The following SNX33 variants were observed in gnomAD, a reference collection of about 807,000 sequenced individuals.
SNX33 encodes the protein sorting nexin 33, also known as sorting nexin-33.
SNX33 carries 19 observed loss-of-function variants against 38.8 expected under a neutral mutation model. That is an observed-to-expected ratio of 0.49 (90% CI 0.34 to 0.72). The LOEUF is 0.72. Among genes scored for constraint, SNX33 ranks in the 30% least tolerant of loss-of-function variants. The pLI is 0.01. For synonymous variants in SNX33, 246 were observed against 289.7 expected (o/e 0.85, Z 1.53); for missense variants, 641 against 776.4 (o/e 0.83, Z 2.07).
In SNX33 at chr15:75,647,941, T is replaced by A. The variant is rs558318322; in HGVS notation, c.-1162T>A. 327 of 985,324 alleles carry A rather than the reference T, an allele frequency of 3.3e-4. No homozygotes were observed. In the Middle Eastern group the frequency reaches 7.3e-3, roughly 22 times the overall value. 61.0% of individuals were successfully genotyped at this position (985,324 alleles called of 1,614,324 possible). Reference sequence around the variant, plus strand: ...TTTTGTTTTGGAGCTGCCTTCTCGCTGGCGGAGCGGAGGGTCTGCGAGCGC... The same window carrying A: ...TTTTGTTTTGGAGCTGCCTTCTCGCAGGCGGAGCGGAGGGTCTGCGAGCGC... On this transcript the variant is annotated 5_prime_UTR_variant, in exon 1 of 2. Transcript: ENST00000308527.
In SNX33 at chr15:75,659,267, G is replaced by A. The variant is rs1044663231; in HGVS notation, c.*2052G>A. The A allele has an allele frequency of 6.6e-6, 1 of 152,518 alleles. No individual in the cohort carries two copies. The highest frequency in any genetic ancestry group is 2.4e-5 in the African/African-American group (1 of 41,440). 9.4% of individuals were successfully genotyped at this position (152,518 alleles called of 1,614,324 possible). A position where few individuals can be genotyped will look rare whatever the true frequency, so the allele number is the denominator to read the frequency against. On this transcript the variant is annotated 3_prime_UTR_variant, in exon 2 of 2. Coordinates refer to ENST00000308527, the MANE Select transcript of SNX33 (RefSeq NM_153271.2). ...CCTTTGGAGGCAATGGGGACTTGGT[G>A]GAGGGAGGGCTTCCAGGGTCAAGGC...
rs944958747 is a variant in SNX33, at chr15:75,650,775, C to G, written c.1471+202C>G. Among the ~76,000 whole-genome samples, 3 of 152,186 alleles carry G rather than the reference C, an allele frequency of 2.0e-5. No homozygotes were observed. The highest frequency in any genetic ancestry group is 4.4e-5 in the Non-Finnish European group (3 of 68,046). On this transcript the variant is annotated intron_variant, in intron 1 of 1. Transcript: ENST00000308527. This position sits in a 1 kb window ranked among gnomAD's most constrained non-coding sequence, Gnocchi z 6.1. ...TTGGGAGGTTGAAGTAGGAGGATCA[C>G]TTGGGCCCAGGAGGTTGAGACTACA...
At position 75,650,719 on chromosome 15, in the gene SNX33, C is replaced by A; in HGVS notation, c.1471+146C>A. The A allele has an allele frequency of 8.5e-7, 1 of 1,170,082 alleles. No individual in the cohort carries two copies. The highest frequency in any genetic ancestry group is 1.2e-6 in the Non-Finnish European group (1 of 869,030). The allele number at this position is 1,170,082 out of a possible 1,614,324, so 72.5% of individuals were successfully genotyped here. A position where few individuals can be genotyped will look rare whatever the true frequency, so the allele number is the denominator to read the frequency against. Reference sequence around the variant, plus strand: ...CATTTAACAAATGTGTTGGGCTGGGCACGGTGGCTTACGCTTGTAATCTCA... The same window carrying A: ...CATTTAACAAATGTGTTGGGCTGGGAACGGTGGCTTACGCTTGTAATCTCA... On this transcript the variant is annotated intron_variant, in intron 1 of 1. Coordinates refer to ENST00000308527, the MANE Select transcript of SNX33 (RefSeq NM_153271.2). This position sits in a 1 kb window ranked among gnomAD's most constrained non-coding sequence, Gnocchi z 6.1.
chr15:75,649,419 A>G lies in SNX33; in HGVS notation c.317A>G (p.Gln106Arg). The change falls in exon 1 of 2, where the codon CAG (glutamine) becomes CGG (arginine). Residue 106 changes from glutamine (Q) to arginine (R), a missense_variant. Gln to Arg is a conservative substitution (Grantham distance 43). Around this residue, in one of 2 missense-constraint regions of SNX33, gnomAD observed 243 missense variants for 233.9 expected, o/e 1.04. Coordinates refer to ENST00000308527, the MANE Select transcript of SNX33 (RefSeq NM_153271.2). This position sits in a 1 kb window ranked among gnomAD's most constrained non-coding sequence, Gnocchi z 6.6. ...GGGGGCAGTGGCTTCCTCTCAAACC[A>G]GGGTAGCTTTGAGGAGGATGATGAT... ...SGGGSGFLSN[Q>R]GSFEEDDDDD... 1 of 1,538,084 alleles carries G rather than the reference A, an allele frequency of 6.5e-7. No individual in the cohort carries two copies. The highest frequency in any genetic ancestry group is 8.8e-7 in the Non-Finnish European group (1 of 1,140,040).
rs1362076594 is a variant in SNX33 at position 75,649,537 on chromosome 15, C to T, written c.435C>T (p.Leu145=). The T allele has an allele frequency of 1.2e-6, 2 of 1,610,444 alleles. No homozygotes were observed. Among genetic ancestry groups the T allele is most frequent in the Non-Finnish European group, 1.7e-6 (2 of 1,177,890 alleles). The change falls in exon 1 of 2, where the codon CTC becomes CTT. Residue 145 remains leucine (L), a synonymous_variant. Transcript: ENST00000308527. The surrounding 1 kb of genome is among the most constrained non-coding windows in gnomAD (Gnocchi z 6.6). ...CCAACGGGCACCCTCCCCTCAACCTCTCCTACCCTGGTGCCTACCCCAGCC... is the reference window on the plus strand; with the variant it reads ...CCAACGGGCACCCTCCCCTCAACCTTTCCTACCCTGGTGCCTACCCCAGCC... ...LGTNGHPPLN[L]SYPGAYPSQH...
At position 75,649,136 on chromosome 15, in the gene SNX33, C is replaced by T. The variant is rs751986272; in HGVS notation, c.34C>T (p.His12Tyr). The T allele has an allele frequency of 5.6e-6, 9 of 1,609,788 alleles. No homozygotes were observed. Among genetic ancestry groups the T allele is most frequent in the Non-Finnish European group, 7.6e-6 (9 of 1,177,300 alleles). Reference protein sequence around the residue: ...ALKGRALYDFHSENKEEISIQ... With the variant: ...ALKGRALYDFYSENKEEISIQ... ...GAAAGGCCGAGCCCTCTATGACTTTCACAGTGAGAACAAGGAGGAAATCAG... is the reference window on the plus strand; with the variant it reads ...GAAAGGCCGAGCCCTCTATGACTTTTACAGTGAGAACAAGGAGGAAATCAG... The change falls in exon 1 of 2, where the codon CAC becomes TAC. Residue 12 changes from histidine to tyrosine, a missense_variant. Transcript: ENST00000308527. This position sits in a 1 kb window ranked among gnomAD's most constrained non-coding sequence, Gnocchi z 6.6.
intron 1 of SNX33, among the ~76,000 whole-genome samples, chr15:75,656,385 C>T (rs1217255542): frequency 6.6e-6 from 1 of 152,164 alleles, no homozygotes; most frequent in Non-Finnish European, 1.5e-5. Flanking sequence ...GGAATGCGTG[C>T]AGGGGCCAAC....
At chr15:75,652,848 G>A (rs185108012) in intron 1 of SNX33, among the ~76,000 whole-genome samples, 1 of 152,314 alleles carries the variant, frequency 6.6e-6, no homozygotes, top group East Asian at 1.9e-4. Flanking sequence ...AGCCCAATGG[G>A]AGTGATAAGG....
chr15:75,649,855 C>T lies in SNX33; in HGVS notation c.753C>T (p.Ser251=), dbSNP rs539648345. ...TKFKGIKSYI[S]YKLTPTHAAS... Reference sequence around the variant, plus strand: ...TCAAGGGCATCAAAAGCTACATCTCCTACAAGCTCACACCCACCCATGCTG... The same window carrying T: ...TCAAGGGCATCAAAAGCTACATCTCTTACAAGCTCACACCCACCCATGCTG... Residue 251 remains serine (S), a synonymous_variant, in exon 1 of 2, where the codon TCC becomes TCT. Coordinates refer to ENST00000308527, the MANE Select transcript of SNX33 (RefSeq NM_153271.2). This position sits in a 1 kb window ranked among gnomAD's most constrained non-coding sequence, Gnocchi z 6.6. The T allele has an allele frequency of 6.5e-7, 1 of 1,530,418 alleles. No homozygotes were observed. The highest frequency in any genetic ancestry group is 1.4e-5 in the African/African-American group (1 of 72,224). The allele number at this position is 1,530,418 out of a possible 1,614,324, so 94.8% of individuals were successfully genotyped here.
At position 75,648,418 on chromosome 15, in the gene SNX33, G is replaced by C; in HGVS notation, c.-685G>C. On this transcript the variant is annotated 5_prime_UTR_variant, in exon 1 of 2. Transcript: ENST00000308527. The surrounding 1 kb of genome is among the most constrained non-coding windows in gnomAD (Gnocchi z 4.4). ...GAAGAGTTGGCGGCCTGTTGTGTAAGCCTCAGTCCTTGTTTTCCCGGCCTG... is the reference window on the plus strand; with the variant it reads ...GAAGAGTTGGCGGCCTGTTGTGTAACCCTCAGTCCTTGTTTTCCCGGCCTG... 2.0e-6 allele frequency: 2 copies of C among 985,424 alleles called. No homozygotes were observed. The highest frequency in any genetic ancestry group is 1.2e-6 in the Non-Finnish European group (1 of 829,946). 61.0% of individuals were successfully genotyped at this position (985,424 alleles called of 1,614,324 possible). A position where few individuals can be genotyped will look rare whatever the true frequency, so the allele number is the denominator to read the frequency against.
rs1475545470 is a variant in SNX33 at position 75,650,550 on chromosome 15, C to G, written c.1448C>G (p.Pro483Arg). Residue 483 changes from proline to arginine, a missense_variant, in exon 1 of 2, where the codon CCT (proline) becomes CGT (arginine). Pro to Arg is a moderately radical substitution (Grantham distance 103). Coordinates refer to ENST00000308527, the MANE Select transcript of SNX33 (RefSeq NM_153271.2). The surrounding 1 kb of genome is among the most constrained non-coding windows in gnomAD (Gnocchi z 6.1). Reference protein sequence around the residue: ...SLYQGLLSNFPDIIHLQKGAF... With the variant: ...SLYQGLLSNFRDIIHLQKGAF... ...TACCAGGGCCTGCTCTCCAACTTCC[C>G]TGACATCATCCATCTACAAAAAGGT... The G allele has an allele frequency of 1.2e-6, 2 of 1,601,324 alleles. No individual in the cohort carries two copies. Among genetic ancestry groups the G allele is most frequent in the South Asian group, 1.1e-5 (1 of 88,970 alleles).
At chr15:75,651,462 G>A (rs1893579390) in intron 1 of SNX33, among the ~76,000 whole-genome samples, 1 of 151,648 alleles carries the variant, frequency 6.6e-6, no homozygotes, top group Admixed American at 6.6e-5. Context: ...GGACAGGATG[G>A]GCCTCTGCCT....
In SNX33 at chr15:75,650,601, G is replaced by A. The variant is rs952428291; in HGVS notation, c.1471+28G>A. On this transcript the variant is annotated intron_variant, in intron 1 of 1. Coordinates refer to ENST00000308527, the MANE Select transcript of SNX33 (RefSeq NM_153271.2). This position sits in a 1 kb window ranked among gnomAD's most constrained non-coding sequence, Gnocchi z 6.1. ...AAGGCCCAGTGCAGGCAGGAAACTC[G>A]TCCTGAGTCTGGCTCTCTGCTGGGC... 1.1e-5 allele frequency: 17 copies of A among 1,554,598 alleles called. No homozygotes were observed. Among genetic ancestry groups the A allele is most frequent in the South Asian group, 2.5e-5 (2 of 80,664 alleles).
intron 1 of SNX33, among the ~76,000 whole-genome samples, chr15:75,654,097 T>TAAAAA (rs77714603): frequency 2.1e-4 from 23 of 110,946 alleles, no homozygotes; most frequent in East Asian, 5.2e-4. Context: ...CATCTCAAAT[T>TAAAAA]AAAAAAAAAA....
chr15:75,649,080 T>C lies in SNX33; in HGVS notation c.-23T>C. ...TGGGCAGGACCCTCTCCTTCCCATC[T>C]TTCTATACCACCCAGCCCAGCCATG... On this transcript the variant is annotated 5_prime_UTR_variant, in exon 1 of 2. Coordinates refer to ENST00000308527, the MANE Select transcript of SNX33 (RefSeq NM_153271.2). The surrounding 1 kb of genome is among the most constrained non-coding windows in gnomAD (Gnocchi z 6.6). The C allele has an allele frequency of 1.3e-6, 2 of 1,555,554 alleles. No individual in the cohort carries two copies. Among genetic ancestry groups the C allele is most frequent in the South Asian group, 2.4e-5 (2 of 82,410 alleles).
At position 75,660,088 on chromosome 15, in the gene SNX33, G is replaced by A. The variant is rs1030280369; in HGVS notation, c.*2873G>A. 17 of 152,134 alleles carry A rather than the reference G, an allele frequency of 1.1e-4. No homozygotes were observed. The highest frequency in any genetic ancestry group is 2.6e-4 in the Admixed American group (4 of 15,282). The allele number at this position is 152,134 out of a possible 1,614,324, so 9.4% of individuals were successfully genotyped here. Reference sequence around the variant, plus strand: ...CATGCCAGGCAGATGTTCCCGACTCGGCTGGACCCAGCTGCCTCGTTTCCT... The same window carrying A: ...CATGCCAGGCAGATGTTCCCGACTCAGCTGGACCCAGCTGCCTCGTTTCCT... On this transcript the variant is annotated 3_prime_UTR_variant, in exon 2 of 2. Coordinates refer to ENST00000308527, the MANE Select transcript of SNX33 (RefSeq NM_153271.2).
Position 75,649,025 on chromosome 15 carries a change from T to TCTTG in SNX33, c.-77_-74dup. ...AAGCGCCATTCAGCTGCGAGTGCAT[T>TCTTG]CTTGGACTGCCTTGTGAGCATCCCC... On this transcript the variant is annotated 5_prime_UTR_variant, in exon 1 of 2. Transcript: ENST00000308527. This position sits in a 1 kb window ranked among gnomAD's most constrained non-coding sequence, Gnocchi z 6.6. 1.3e-6 allele frequency: 2 copies of TCTTG among 1,502,556 alleles called. No individual in the cohort carries two copies. Among genetic ancestry groups the TCTTG allele is most frequent in the South Asian group, 2.7e-5 (2 of 73,946 alleles). 93.1% of individuals were successfully genotyped at this position (1,502,556 alleles called of 1,614,324 possible).
At chr15:75,653,501 A>G (rs1042235852) in intron 1 of SNX33, among the ~76,000 whole-genome samples, 2 of 152,232 alleles carry the variant, frequency 1.3e-5, no homozygotes, top group Non-Finnish European at 2.9e-5. Context: ...GACGAGGTGC[A>G]GCGATGCAGA....
intron 1 of SNX33, 47 bp from the exon 2 acceptor site, chr15:75,656,914 AT>A: frequency 6.3e-7 from 1 of 1,588,168 alleles, no homozygotes; most frequent in East Asian, 2.3e-5. Context: ...CAGGGAGCAC[AT>A]GGAGATCAGA....
Sources: gnomAD v4.1 joint callset for allele counts (sites outside exome capture counted in the v4.1 genomes callset) on GRCh38, gnomAD v4.1.1 for gene constraint, gnomAD v4.1.1 regional missense constraint, Gnocchi (gnomAD v3.1) non-coding constraint, MANE v1.5 for transcripts, NCBI Gene and HGNC (gene_info 2026-07-23, HGNC 2026-07-21) for gene names.